The following EPHA6 variants were observed in gnomAD, a reference collection of about 807,000 sequenced individuals.
EPHA6 encodes EPH receptor A6.
A neutral mutation model predicts 112.0 loss-of-function variants in EPHA6; 50 were observed. The ratio of observed to expected loss-of-function variants is 0.45; its 90% CI spans 0.36 to 0.56. EPHA6 has a LOEUF of 0.56. Ranked by LOEUF, EPHA6 falls within the 20% of genes least tolerant of loss-of-function variation. The pLI, the probability that EPHA6 is intolerant of heterozygous loss-of-function variation, is 0.00. For synonymous variants in EPHA6, 529 were observed against 490.7 expected, an observed-to-expected ratio of 1.08 and a Z score of -1.03; for missense variants, 1,280 against 1,417.4, an observed-to-expected ratio of 0.90 and a Z score of 1.56.
intron 5 of EPHA6, among the ~76,000 whole-genome samples, chr3:97,273,189 G>A (rs908769534): frequency 2.6e-5 from 4 of 152,180 alleles, no homozygotes; most frequent in African/African-American, 9.6e-5. Flanking sequence ...CTAAGAATTG[G>A]AAGGACCCAG....
chr3:96,891,202 G>T (rs1037661819), intron 2 of EPHA6, among the ~76,000 whole-genome samples: 12 of 152,070 alleles, frequency 7.9e-5, no homozygotes, highest in Admixed American at 7.9e-4. Flanking sequence ...CCAATCAGCA[G>T]TAAAATATAT....
intron 11 of EPHA6, among the ~76,000 whole-genome samples, chr3:97,556,248 C>G (rs979159746): frequency 2.0e-5 from 3 of 151,964 alleles, no homozygotes; most frequent in African/African-American, 7.3e-5. Context: ...CTCGTGTGAC[C>G]CTTTTGTTTC....
At chr3:97,307,881 A>AT (rs1447361427) in intron 5 of EPHA6, among the ~76,000 whole-genome samples, 1 of 151,734 alleles carries the variant, frequency 6.6e-6, no homozygotes, top group African/African-American at 2.4e-5. Flanking sequence ...TCAAACTGAG[A>AT]TTTTCAACTG....
chr3:97,546,720 G>T (rs966972091), intron 11 of EPHA6, among the ~76,000 whole-genome samples: 1 of 152,092 alleles, frequency 6.6e-6, no homozygotes, highest in Non-Finnish European at 1.5e-5. Context: ...CGTAGATTTC[G>T]TCTTTTCACA....
intron 14 of EPHA6, among the ~76,000 whole-genome samples, chr3:97,675,189 A>C (rs1456377578): frequency 6.6e-6 from 1 of 152,202 alleles, no homozygotes; most frequent in African/African-American, 2.4e-5. Flanking sequence ...AGTATCAGAA[A>C]CCAAACAGTG....
At chr3:96,898,596 T>C (rs2038412515) in intron 2 of EPHA6, among the ~76,000 whole-genome samples, 1 of 152,168 alleles carries the variant, frequency 6.6e-6, no homozygotes, top group African/African-American at 2.4e-5. Context: ...GAAATATAAT[T>C]TGTAGATAAT....
chr3:97,609,103 A>G (rs143689116), intron 12 of EPHA6, among the ~76,000 whole-genome samples: 1 of 151,512 alleles, frequency 6.6e-6, no homozygotes, highest in East Asian at 1.9e-4. Context: ...AATAAAAACT[A>G]AAAGTATTCC....
rs1309873561 is a variant in EPHA6, at chr3:97,396,459, A to C, written c.1607-8691A>C. Reference sequence around the variant, plus strand: ...TTTATCCATATTGTGAATTTGAATAATAGTATTAGGAAAATTAAAAAATAA... The same window carrying C: ...TTTATCCATATTGTGAATTTGAATACTAGTATTAGGAAAATTAAAAAATAA... On this transcript the variant is annotated intron_variant, in intron 5 of 17. Transcript: ENST00000389672. Among the ~76,000 whole-genome samples the C allele has an allele frequency of 5.3e-5, 8 of 151,392 alleles. No homozygotes were observed. The East Asian group carries it at 1.5e-3, about 29-fold the overall frequency.
At chr3:96,818,152 C>T (rs955357687) in intron 1 of EPHA6, among the ~76,000 whole-genome samples, 1 of 151,862 alleles carries the variant, frequency 6.6e-6, no homozygotes, top group Non-Finnish European at 1.5e-5. Context: ...GGAATATAGC[C>T]TTTCATTTCT....
At chr3:97,630,388 A>G (rs1404676331) in intron 13 of EPHA6, among the ~76,000 whole-genome samples, 1 of 152,004 alleles carries the variant, frequency 6.6e-6, no homozygotes, top group African/African-American at 2.4e-5. Flanking sequence ...TGGTTATTTT[A>G]AAAACAAGAG....
At chr3:97,572,308 A>G (rs572889191) in intron 11 of EPHA6, among the ~76,000 whole-genome samples, 58 of 151,278 alleles carry the variant, frequency 3.8e-4, no homozygotes, top group African/African-American at 1.4e-3. Flanking sequence ...CCGCCACCAC[A>G]CCCAGCTAAT....
chr3:97,464,200 G>T (rs1283119401), intron 7 of EPHA6, among the ~76,000 whole-genome samples: 1 of 152,076 alleles, frequency 6.6e-6, no homozygotes, highest in Non-Finnish European at 1.5e-5. Flanking sequence ...AGGGAATGTG[G>T]TTGGTCCAGT....
intron 1 of EPHA6, among the ~76,000 whole-genome samples, chr3:96,850,395 A>G (rs938908258): frequency 1.3e-5 from 2 of 152,200 alleles, no homozygotes; most frequent in African/African-American, 4.8e-5. Flanking sequence ...TGAAGAAAGG[A>G]ACTGTCCTAG....
chr3:97,622,040 AT>A (rs1382058470), intron 13 of EPHA6, among the ~76,000 whole-genome samples: 1 of 151,796 alleles, frequency 6.6e-6, no homozygotes, highest in Non-Finnish European at 1.5e-5. Context: ...TTTCTTTTCA[AT>A]TTTTTTATTT....
intron 2 of EPHA6, among the ~76,000 whole-genome samples, chr3:96,956,841 T>C (rs997246831): frequency 6.6e-6 from 1 of 152,056 alleles, no homozygotes; most frequent in African/African-American, 2.4e-5. Context: ...GAGACCAGCC[T>C]GGCCAAGATG....
At chr3:97,706,030 A>C (rs538701707) in intron 14 of EPHA6, among the ~76,000 whole-genome samples, 9 of 152,332 alleles carry the variant, frequency 5.9e-5, no homozygotes, top group African/African-American at 2.2e-4. Flanking sequence ...TTGTTTAAAA[A>C]GGCATTGCTT....
At position 96,899,510 on chromosome 3, in the gene EPHA6, C is replaced by CT. The variant is rs1330635723; in HGVS notation, c.450+32621_450+32622insT. ...TTTGATTTAAAGCAGAGCCATGTGACAATCAAATATGTAGACTAATTCAAT... is the reference window on the plus strand; with the variant it reads ...TTTGATTTAAAGCAGAGCCATGTGACTAATCAAATATGTAGACTAATTCAAT... On this transcript the variant is annotated intron_variant, in intron 2 of 17. Coordinates refer to ENST00000389672, the MANE Select transcript of EPHA6 (RefSeq NM_001080448.3). Among the ~76,000 whole-genome samples the CT allele has an allele frequency of 3.9e-5, 6 of 152,120 alleles. No individual in the cohort carries two copies. The South Asian group carries it at 8.3e-4, about 21-fold the overall frequency.
chr3:97,474,037 G>T lies in EPHA6; in HGVS notation c.1895-1315G>T, dbSNP rs946192034. 2.6e-5 allele frequency among the ~76,000 whole-genome samples: 4 copies of T among 151,802 alleles called. No individual in the cohort carries two copies. In the East Asian group the frequency reaches 7.7e-4, roughly 29 times the overall value. On this transcript the variant is annotated intron_variant, in intron 7 of 17. Transcript: ENST00000389672. The stretch of plus-strand genomic sequence containing the variant: ...AGATTTTTTTAAAAGTCTCTAAAGT[G>T]CTGTGACTGGTTTCTTACTGACTTG...
At chr3:97,417,305 C>A (rs1425104026) in intron 6 of EPHA6, among the ~76,000 whole-genome samples, 1 of 151,910 alleles carries the variant, frequency 6.6e-6, no homozygotes. Flanking sequence ...CTTTGGCCTC[C>A]CTGGAGAAAA....
Sources: gnomAD v4.1 joint callset for allele counts (sites outside exome capture counted in the v4.1 genomes callset) on GRCh38, gnomAD v4.1.1 for gene constraint, MANE v1.5 for transcripts, NCBI Gene and HGNC (gene_info 2026-07-23, HGNC 2026-07-21) for gene names.